The following CCSER1 variants were observed in gnomAD, a reference collection of about 807,000 sequenced individuals.
CCSER1 encodes the protein serine-rich coiled-coil domain-containing protein 1.
CCSER1 carries 41 observed loss-of-function variants against 82.0 expected under a neutral mutation model. The observed-to-expected ratio is 0.50, with a 90% CI of 0.39 to 0.65. The LOEUF (loss-of-function observed/expected upper bound fraction) is 0.65, where lower values mean the gene tolerates loss of function less well. Among genes scored for constraint, CCSER1 ranks in the 30% least tolerant of loss-of-function variants. CCSER1 has a pLI of 0.00. For synonymous variants in CCSER1, 414 were observed against 383.9 expected, an observed-to-expected ratio of 1.08 and a Z score of -0.92; for missense variants, 1,119 against 1,064.2, an observed-to-expected ratio of 1.05 and a Z score of -0.72.
chr4:90,673,011 A>ATAATAATTT (rs755387858), intron 6 of CCSER1, among the ~76,000 whole-genome samples: 93 of 152,124 alleles, frequency 6.1e-4, no homozygotes, highest in Non-Finnish European at 1.2e-3. Context: ...AACAGATATA[A>ATAATAATTT]TAATAATTTT....
At chr4:91,583,769 T>A (rs1763851605) in intron 10 of CCSER1, among the ~76,000 whole-genome samples, 1 of 151,512 alleles carries the variant, frequency 6.6e-6, no homozygotes, top group Non-Finnish European at 1.5e-5. Context: ...ATAGATCAGA[T>A]GTCTCCTGTG....
At chr4:90,709,769 G>T (rs1740144310) in intron 6 of CCSER1, among the ~76,000 whole-genome samples, 3 of 152,008 alleles carry the variant, frequency 2.0e-5, no homozygotes, top group Admixed American at 6.6e-5. Flanking sequence ...CTTTATAATA[G>T]AATGATTTAT....
intron 4 of CCSER1, among the ~76,000 whole-genome samples, chr4:90,429,381 A>G (rs1411886587): frequency 6.6e-6 from 1 of 151,856 alleles, no homozygotes; most frequent in Admixed American, 6.6e-5. Flanking sequence ...AGTCATTTGA[A>G]TTAGTAAACT....
intron 10 of CCSER1, among the ~76,000 whole-genome samples, chr4:91,488,688 C>A (rs139783491): frequency 2.0e-4 from 30 of 152,298 alleles, no homozygotes; most frequent in African/African-American, 7.0e-4. Context: ...CACCATGATT[C>A]TAAGTTTCCT....
At chr4:90,226,285 T>C (rs1743144035) in intron 1 of CCSER1, among the ~76,000 whole-genome samples, 1 of 152,180 alleles carries the variant, frequency 6.6e-6, no homozygotes, top group Non-Finnish European at 1.5e-5. Flanking sequence ...GCCATTAAAT[T>C]TGGGAGTGTT....
intron 10 of CCSER1, among the ~76,000 whole-genome samples, chr4:91,583,256 A>G (rs1015593243): frequency 6.6e-6 from 1 of 151,464 alleles, no homozygotes; most frequent in African/African-American, 2.4e-5. Context: ...AAGTTTTTAT[A>G]TAGCAACTTT....
chr4:90,134,993 G>A (rs1281860835), intron 1 of CCSER1, among the ~76,000 whole-genome samples: 2 of 152,004 alleles, frequency 1.3e-5, no homozygotes, highest in Non-Finnish European at 2.9e-5. Flanking sequence ...TAATATCAAG[G>A]ATTAAAAAAT....
intron 10 of CCSER1, among the ~76,000 whole-genome samples, chr4:91,469,980 T>G (rs943351525): frequency 6.6e-6 from 1 of 152,186 alleles, no homozygotes; most frequent in Non-Finnish European, 1.5e-5. Context: ...CTACACATTC[T>G]AATGTTTATG....
chr4:90,351,914 T>G (rs1743514985), intron 3 of CCSER1, among the ~76,000 whole-genome samples: 1 of 152,238 alleles, frequency 6.6e-6, no homozygotes, highest in Non-Finnish European at 1.5e-5. Flanking sequence ...TTATACTTTT[T>G]TTGTGTGTGT....
At chr4:91,323,508 A>G (rs1450616866) in intron 10 of CCSER1, among the ~76,000 whole-genome samples, 1 of 152,204 alleles carries the variant, frequency 6.6e-6, no homozygotes, top group Non-Finnish European at 1.5e-5. Context: ...ATTACCTAAA[A>G]TGTACATAAT....
At chr4:90,386,553 T>G (rs1750089102) in intron 3 of CCSER1, among the ~76,000 whole-genome samples, 1 of 152,108 alleles carries the variant, frequency 6.6e-6, no homozygotes, top group Non-Finnish European at 1.5e-5. Flanking sequence ...CTAAAAATTC[T>G]AAAAGGAAAC....
At chr4:90,480,406 C>A (rs944002141) in intron 5 of CCSER1, among the ~76,000 whole-genome samples, 37 of 152,138 alleles carry the variant, frequency 2.4e-4, no homozygotes, top group Non-Finnish European at 4.1e-4. Context: ...TCACTTTTGG[C>A]TTTTGTTTCC....
chr4:91,378,477 G>T (rs528671057), intron 10 of CCSER1, among the ~76,000 whole-genome samples: 1 of 152,174 alleles, frequency 6.6e-6, no homozygotes, highest in Non-Finnish European at 1.5e-5. Context: ...TTCCTTGTAA[G>T]TTGGATTCCT....
chr4:91,066,676 G>A (rs1720849438), intron 9 of CCSER1, among the ~76,000 whole-genome samples: 2 of 152,158 alleles, frequency 1.3e-5, no homozygotes, highest in Admixed American at 1.3e-4. Context: ...TAGCTGGGAA[G>A]TCTTCAGAAA....
At chr4:90,527,351 T>C (rs1180218007) in intron 5 of CCSER1, among the ~76,000 whole-genome samples, 1 of 152,146 alleles carries the variant, frequency 6.6e-6, no homozygotes, top group Non-Finnish European at 1.5e-5. Flanking sequence ...AAAAAGCTCA[T>C]GATCACTGGT....
chr4:90,496,123 G>T (rs907024613), intron 5 of CCSER1, among the ~76,000 whole-genome samples: 1 of 152,070 alleles, frequency 6.6e-6, no homozygotes, highest in Non-Finnish European at 1.5e-5. Flanking sequence ...GATAACATTG[G>T]TTCTGAGTGA....
chr4:90,669,846 A>G (rs1283795082), intron 6 of CCSER1, among the ~76,000 whole-genome samples: 2 of 152,132 alleles, frequency 1.3e-5, no homozygotes, highest in African/African-American at 4.8e-5. Context: ...AAAGAGCTCT[A>G]AAATATTTGT....
At chr4:91,428,711 T>A (rs1190649213) in intron 10 of CCSER1, among the ~76,000 whole-genome samples, 1 of 152,122 alleles carries the variant, frequency 6.6e-6, no homozygotes, top group Non-Finnish European at 1.5e-5. Context: ...GTACAGTTTC[T>A]GTTCCTTACT....
intron 10 of CCSER1, among the ~76,000 whole-genome samples, chr4:91,151,103 C>G (rs897213533): frequency 6.6e-6 from 1 of 152,012 alleles, no homozygotes; most frequent in African/African-American, 2.4e-5. Context: ...TGGTCCTGGA[C>G]TTTTTTTGGT....
Sources: gnomAD v4.1 joint callset for allele counts (sites outside exome capture counted in the v4.1 genomes callset) on GRCh38, gnomAD v4.1.1 for gene constraint, MANE v1.5 for transcripts, NCBI Gene and HGNC (gene_info 2026-07-23, HGNC 2026-07-21) for gene names.